Variants in SLC35A1 observed in about 807,000 individuals in gnomAD.
The protein encoded by SLC35A1 is CMP-sialic acid transporter.
In SLC35A1, 21 loss-of-function variants were observed where a neutral mutation model predicts 40.3. That is an observed-to-expected ratio of 0.52 (90% CI 0.37 to 0.75). The LOEUF (loss-of-function observed/expected upper bound fraction) is 0.75. Among genes scored for constraint, SLC35A1 ranks in the 30% least tolerant of loss-of-function variants. The probability of loss-of-function intolerance (pLI) is 0.00; values close to 1 mark genes in which losing one functional copy is unlikely to be tolerated. For missense variants in SLC35A1, 297 were observed against 382.1 expected (o/e 0.78, Z 1.86); for synonymous variants, 146 against 147.3 (o/e 0.99, Z 0.06).
intron 4 of SLC35A1, among the ~76,000 whole-genome samples, chr6:87,503,576 G>A (rs1051244213): frequency 1.3e-5 from 2 of 152,100 alleles, no homozygotes; most frequent in Admixed American, 1.3e-4. Flanking sequence ...GCTGGGCGTG[G>A]TGGCAGGCGC....
At chr6:87,485,929 C>G (rs891560118) in intron 2 of SLC35A1, among the ~76,000 whole-genome samples, 8 of 152,022 alleles carry the variant, frequency 5.3e-5, no homozygotes, top group African/African-American at 1.9e-4. Flanking sequence ...AAAGAAATTA[C>G]TATTTAAATG....
intron 4 of SLC35A1, among the ~76,000 whole-genome samples, chr6:87,502,280 T>TCCC (rs1351567517): frequency 6.6e-6 from 1 of 152,216 alleles, no homozygotes; most frequent in African/African-American, 2.4e-5. Context: ...CCCCACTGTC[T>TCCC]CCCAATGTTG....
intron 2 of SLC35A1, among the ~76,000 whole-genome samples, chr6:87,487,137 C>A (rs1479114218): frequency 6.6e-6 from 1 of 152,102 alleles, no homozygotes; most frequent in Non-Finnish European, 1.5e-5. Flanking sequence ...GATCACACCA[C>A]TGCACTCCAG....
At chr6:87,500,720 G>A (rs1454683751) in intron 3 of SLC35A1, 53 bp downstream of exon 3, 1 of 1,477,508 alleles carries the variant, frequency 6.8e-7, no homozygotes, top group East Asian at 2.3e-5. Flanking sequence ...GGTAAAAAGA[G>A]TTTTTATTAA....
chr6:87,501,239 G>A lies in SLC35A1; in HGVS notation c.436G>A (p.Val146Ile), dbSNP rs1449731017. The A allele has an allele frequency of 1.9e-6, 3 of 1,613,924 alleles. No homozygotes were observed. The African/African-American group carries it at 4.0e-5, about 22-fold the overall frequency. Reference protein sequence around the residue: ...LNRTLSKLQWVSVFMLCAGVT... With the variant: ...LNRTLSKLQWISVFMLCAGVT... ...CCGGACACTCAGCAAATTACAGTGGGTTTCAGTTTTTATGCTGTGTGCTGG... is the reference window on the plus strand; with the variant it reads ...CCGGACACTCAGCAAATTACAGTGGATTTCAGTTTTTATGCTGTGTGCTGG... The change falls in exon 4 of 8, where the codon GTT becomes ATT. Residue 146 changes from valine to isoleucine, a missense_variant. Transcript: ENST00000369552.
intron 7 of SLC35A1, among the ~76,000 whole-genome samples, chr6:87,509,541 T>C (rs550338306): frequency 6.6e-6 from 1 of 152,334 alleles, no homozygotes; most frequent in East Asian, 1.9e-4. Context: ...GAAATTATTT[T>C]CAGCAGTCAG....
intron 5 of SLC35A1, 134 bp from the exon 6 acceptor site, chr6:87,508,286 G>A: frequency 1.6e-6 from 1 of 633,314 alleles, no homozygotes; most frequent in Non-Finnish European, 2.7e-6. Flanking sequence ...CATAATAAAT[G>A]CACATTTAAG....
chr6:87,473,341 G>C (rs1387430338), intron 1 of SLC35A1, among the ~76,000 whole-genome samples: 2 of 152,162 alleles, frequency 1.3e-5, no homozygotes, highest in Non-Finnish European at 2.9e-5. Context: ...AGGCCAGGGC[G>C]TGGGTCCGGG....
intron 6 of SLC35A1, 37 bp downstream of exon 6, chr6:87,508,633 TTTA>T (rs1770161244): frequency 6.5e-7 from 1 of 1,540,810 alleles, no homozygotes; most frequent in East Asian, 2.3e-5. Context: ...TAGTAGATCC[TTTA>T]TTTTTTTTTT....
intron 1 of SLC35A1, 51 bp downstream of exon 1, chr6:87,473,070 G>A (rs1768962621): frequency 4.4e-6 from 2 of 456,854 alleles, no homozygotes; most frequent in Admixed American, 4.4e-5. Context: ...GCGGCGGCGG[G>A]CGAGCATCTG....
intron 5 of SLC35A1, 128 bp downstream of exon 5, chr6:87,506,576 T>C: frequency 1.2e-6 from 1 of 808,544 alleles, no homozygotes; most frequent in Non-Finnish European, 2.1e-6. Flanking sequence ...TTGCTTATAT[T>C]TAGTTTTATG....
At chr6:87,494,726 A>G (rs934900870) in intron 2 of SLC35A1, among the ~76,000 whole-genome samples, 2 of 152,128 alleles carry the variant, frequency 1.3e-5, no homozygotes, top group African/African-American at 4.8e-5. Flanking sequence ...CACCCGGCCA[A>G]ATATTTGAAT....
chr6:87,474,354 A>G (rs541477604), intron 1 of SLC35A1, among the ~76,000 whole-genome samples: 4 of 152,246 alleles, frequency 2.6e-5, no homozygotes, highest in African/African-American at 9.6e-5. Flanking sequence ...GTCCCCATAA[A>G]CTATAGTAAA....
At chr6:87,475,564 T>A (rs1697371086) in intron 1 of SLC35A1, among the ~76,000 whole-genome samples, 1 of 152,244 alleles carries the variant, frequency 6.6e-6, no homozygotes, top group African/African-American at 2.4e-5. Context: ...TTTTACTTTT[T>A]ATTTAAAACC....
chr6:87,483,681 A>T (rs1475228754), intron 2 of SLC35A1, among the ~76,000 whole-genome samples: 2 of 151,516 alleles, frequency 1.3e-5, no homozygotes, highest in East Asian at 1.9e-4. Flanking sequence ...CAAACCAGGG[A>T]TGTCTTGCCT....
chr6:87,499,234 T>TA (rs1562024279), intron 2 of SLC35A1: 7 of 484,802 alleles, frequency 1.4e-5, no homozygotes, highest in African/African-American at 2.1e-5. Flanking sequence ...TTGCAGCATT[T>TA]AAAAATGAAA....
chr6:87,499,978 T>C (rs1387490468), intron 2 of SLC35A1, among the ~76,000 whole-genome samples: 1 of 152,142 alleles, frequency 6.6e-6, no homozygotes, highest in Non-Finnish European at 1.5e-5. Flanking sequence ...GGTGGGTGCC[T>C]GTAATCCTAG....
chr6:87,484,751 G>A (rs182584220), intron 2 of SLC35A1, among the ~76,000 whole-genome samples: 32 of 152,284 alleles, frequency 2.1e-4, no homozygotes, highest in African/African-American at 7.5e-4. Context: ...ATGAGTCAGA[G>A]TGGAGAGGGT....
At chr6:87,492,095 G>A (rs907881665) in intron 2 of SLC35A1, among the ~76,000 whole-genome samples, 3 of 152,126 alleles carry the variant, frequency 2.0e-5, no homozygotes, top group African/African-American at 7.2e-5. Context: ...TGTCCCTAAC[G>A]TTCTTCAGTG....
Sources: allele counts gnomAD v4.1 joint callset (sites outside exome capture counted in the v4.1 genomes callset), GRCh38; gene constraint gnomAD v4.1.1; transcripts MANE v1.5; gene names NCBI Gene and HGNC (gene_info 2026-07-23, HGNC 2026-07-21).